The following NEK11 variants were observed in gnomAD, a reference collection of about 807,000 sequenced individuals.
NEK11 encodes the protein serine/threonine-protein kinase Nek11.
Under a neutral mutation model 80.7 loss-of-function variants are expected in NEK11, and 72 were observed. The ratio of observed to expected loss-of-function variants is 0.89; its 90% confidence interval spans 0.74 to 1.08. The LOEUF (loss-of-function observed/expected upper bound fraction) is 1.08, where lower values mean the gene tolerates loss of function less well. NEK11 is among the 50% of genes least tolerant of loss of function. NEK11 has a pLI of 0.00. For missense variants in NEK11, 764 were observed against 763.6 expected, an observed-to-expected ratio of 1.00 and a Z score of -0.01; for synonymous variants, 251 against 260.7, an observed-to-expected ratio of 0.96 and a Z score of 0.36.
At chr3:131,227,356 T>G (rs908366331) in intron 14 of NEK11, among the ~76,000 whole-genome samples, 3 of 152,138 alleles carry the variant, frequency 2.0e-5, no homozygotes, top group Non-Finnish European at 4.4e-5. Flanking sequence ...TGAGTGAACA[T>G]TTGTATGAAA....
At chr3:131,262,338 T>A (rs572848990) in intron 16 of NEK11, among the ~76,000 whole-genome samples, 1 of 152,090 alleles carries the variant, frequency 6.6e-6, no homozygotes, top group African/African-American at 2.4e-5. Flanking sequence ...CTGGGCAACA[T>A]AGCAAGAGTC....
intron 14 of NEK11, among the ~76,000 whole-genome samples, chr3:131,210,146 C>G (rs1236884372): frequency 2.6e-5 from 4 of 152,194 alleles, no homozygotes; most frequent in Admixed American, 2.6e-4. Context: ...CCTCTACACA[C>G]TGCTTTAAAT....
At chr3:131,214,799 C>G (rs957823567) in intron 14 of NEK11, among the ~76,000 whole-genome samples, 3 of 151,746 alleles carry the variant, frequency 2.0e-5, no homozygotes, top group Admixed American at 2.0e-4. Context: ...TACAGCAGAA[C>G]CTGCTGTCCT....
At chr3:131,170,023 A>G (rs1436194618) in intron 13 of NEK11, among the ~76,000 whole-genome samples, 3 of 152,206 alleles carry the variant, frequency 2.0e-5, no homozygotes, top group Non-Finnish European at 2.9e-5. Flanking sequence ...ACCGCACTGC[A>G]GTGTGGCATG....
chr3:131,083,073 C>T (rs2075505896), intron 4 of NEK11, among the ~76,000 whole-genome samples: 1 of 152,210 alleles, frequency 6.6e-6, no homozygotes, highest in African/African-American at 2.4e-5. Context: ...AAATTCTTTG[C>T]CTCTACCCCA....
At chr3:131,101,263 C>A (rs988901976) in intron 4 of NEK11, among the ~76,000 whole-genome samples, 2 of 151,820 alleles carry the variant, frequency 1.3e-5, no homozygotes, top group African/African-American at 4.8e-5. Context: ...TATTGTTTTT[C>A]TTCTGCTAGC....
At chr3:131,155,208 C>A in intron 10 of NEK11, 87 bp downstream of exon 10, 1 of 821,506 alleles carries the variant, frequency 1.2e-6, no homozygotes, top group South Asian at 1.6e-5. Context: ...ACTAAACTGA[C>A]TGCATCGAGT....
intron 17 of NEK11, among the ~76,000 whole-genome samples, chr3:131,322,392 A>G (rs192097452): frequency 3.5e-4 from 54 of 152,246 alleles, no homozygotes; most frequent in African/African-American, 1.3e-3. Flanking sequence ...GCATCACACA[A>G]TATACAGTAT....
intron 7 of NEK11, among the ~76,000 whole-genome samples, chr3:131,151,001 C>A (rs1316386435): frequency 6.6e-6 from 1 of 151,950 alleles, no homozygotes; most frequent in East Asian, 1.9e-4. Flanking sequence ...CAGATAGATG[C>A]AAAATTTATT....
chr3:131,232,308 G>A (rs1307661912), intron 15 of NEK11, among the ~76,000 whole-genome samples: 1 of 152,114 alleles, frequency 6.6e-6, no homozygotes, highest in Non-Finnish European at 1.5e-5. Context: ...CATGGCTTAG[G>A]GCTACAGGCT....
intron 5 of NEK11, among the ~76,000 whole-genome samples, chr3:131,118,228 TA>T (rs1388002523): frequency 2.6e-5 from 4 of 152,186 alleles, no homozygotes; most frequent in African/African-American, 9.7e-5. Flanking sequence ...TCTATTGAGA[TA>T]ATCATGTGGT....
Position 131,349,715 on chromosome 3 carries a change from A to C in NEK11, c.1877A>C (p.Tyr626Ser). Residue 626 changes from tyrosine (Y) to serine (S), a missense_variant, in exon 18 of 18, where the codon TAC becomes TCC. Coordinates refer to ENST00000383366, the MANE Select transcript of NEK11 (RefSeq NM_024800.5). Reference sequence around the variant, plus strand: ...TGTTTTGAAGTGGACCAGCTCCTGTACTTTGAAGAGCAGTTGCTGATCACG... The same window carrying C: ...TGTTTTGAAGTGGACCAGCTCCTGTCCTTTGAAGAGCAGTTGCTGATCACG... ...SDCFEVDQLL[Y>S]FEEQLLITMG... 1 of 1,614,214 alleles carries C rather than the reference A, an allele frequency of 6.2e-7. No homozygotes were observed.
intron 17 of NEK11, among the ~76,000 whole-genome samples, chr3:131,333,158 A>G (rs1024756281): frequency 4.5e-4 from 69 of 152,312 alleles, no homozygotes; most frequent in African/African-American, 1.1e-3. Flanking sequence ...TCCAAGACAC[A>G]TAATTGTCAG....
intron 3 of NEK11, among the ~76,000 whole-genome samples, chr3:131,078,217 A>G (rs1258296975): frequency 1.2e-4 from 19 of 152,314 alleles, no homozygotes; most frequent in African/African-American, 4.3e-4. Context: ...ATAAAATATT[A>G]AAGGACTCAA....
At chr3:131,135,459 T>C (rs984667962) in intron 7 of NEK11, among the ~76,000 whole-genome samples, 1 of 152,146 alleles carries the variant, frequency 6.6e-6, no homozygotes, top group African/African-American at 2.4e-5. Context: ...ACTAATGAGT[T>C]CCTTTAAATT....
intron 14 of NEK11, among the ~76,000 whole-genome samples, chr3:131,202,933 G>A (rs1341306622): frequency 6.6e-6 from 1 of 152,132 alleles, no homozygotes; most frequent in Non-Finnish European, 1.5e-5. Flanking sequence ...GAAACAACAG[G>A]TGCTGGAGAG....
chr3:131,349,113 T>C (rs1317424314), intron 17 of NEK11, among the ~76,000 whole-genome samples: 3 of 152,190 alleles, frequency 2.0e-5, no homozygotes, highest in African/African-American at 7.2e-5. Flanking sequence ...CTAGTATTTG[T>C]CTTACTTCCT....
At chr3:131,053,406 T>G (rs1046558869) in intron 3 of NEK11, 4 of 152,264 alleles carry the variant, frequency 2.6e-5, no homozygotes, top group African/African-American at 9.6e-5. Flanking sequence ...AGAAATTGGC[T>G]GAGAAATAAA....
intron 5 of NEK11, among the ~76,000 whole-genome samples, chr3:131,120,641 A>G (rs1362137275): frequency 3.3e-5 from 5 of 152,088 alleles, no homozygotes; most frequent in African/African-American, 1.2e-4. Context: ...TGGTGTTTTC[A>G]CATACTCCTA....
Sources: allele counts gnomAD v4.1 joint callset (sites outside exome capture counted in the v4.1 genomes callset), GRCh38; gene constraint gnomAD v4.1.1; transcripts MANE v1.5; gene names NCBI Gene and HGNC (gene_info 2026-07-23, HGNC 2026-07-21).